Variants in WTAP observed in about 807,000 individuals in gnomAD.
The protein encoded by WTAP is WT1 associated protein, also known as pre-mRNA-splicing regulator WTAP.
A neutral mutation model predicts 50.0 loss-of-function variants in WTAP; 8 were observed. That is an observed-to-expected ratio of 0.16 (90% CI 0.09 to 0.29). The LOEUF is 0.29. Ranked by LOEUF, WTAP falls within the 10% of genes least tolerant of loss-of-function variation. The pLI, the probability that WTAP is intolerant of heterozygous loss-of-function variation, is 1.00. For missense variants in WTAP, 295 were observed against 470.7 expected, an observed-to-expected ratio of 0.63 and a Z score of 3.45; for synonymous variants, 194 against 169.0, an observed-to-expected ratio of 1.15 and a Z score of -1.15.
chr6:159,746,445 G>C (rs1017904144), intron 5 of WTAP, among the ~76,000 whole-genome samples: 8 of 152,218 alleles, frequency 5.3e-5, no homozygotes, highest in Middle Eastern at 3.4e-3. Flanking sequence ...GCTAAGCTTA[G>C]AAAAAATAAA....
chr6:159,734,636 C>A (rs906912332), intron 1 of WTAP, among the ~76,000 whole-genome samples: 1 of 151,932 alleles, frequency 6.6e-6, no homozygotes, highest in Non-Finnish European at 1.5e-5. Flanking sequence ...TATGGTGGGT[C>A]CCCATCTCTT....
In WTAP at chr6:159,755,466, T is replaced by A. The variant is rs758466866; in HGVS notation, c.1046T>A (p.Leu349His). The A allele has an allele frequency of 4.3e-6, 7 of 1,613,864 alleles. No individual in the cohort carries two copies. The highest frequency in any genetic ancestry group is 5.1e-6 in the Non-Finnish European group (6 of 1,180,012). ...TCTCCCACGGGCAGTGAAAACTCTCTCACACACCAATCAAATGACACAGAC... is the reference window on the plus strand; with the variant it reads ...TCTCCCACGGGCAGTGAAAACTCTCACACACACCAATCAAATGACACAGAC... ...VDSPTGSENS[L>H]THQSNDTDSS... Residue 349 changes from leucine (L) to histidine (H), a missense_variant, in exon 8 of 8, where the codon CTC (leucine) becomes CAC (histidine). Transcript: ENST00000621533.
intron 2 of WTAP, chr6:159,736,516 T>G (rs1778927392): frequency 2.4e-6 from 1 of 411,922 alleles, no homozygotes. Context: ...TTGGAAAACT[T>G]TAGTTATAAT....
At position 159,755,749 on chromosome 6, in the gene WTAP, G is replaced by GTTTTTTTTTTTTTTTTTTT. The variant is rs1402868444; in HGVS notation, c.*148_*149insTTTTTTTTTTTTTTTTTTT. On this transcript the variant is annotated 3_prime_UTR_variant, in exon 8 of 8. Coordinates refer to ENST00000621533, the MANE Select transcript of WTAP (RefSeq NM_001270531.2). ...TTTTTTTTTGTTGTTTTTTTTCTTT[G>GTTTTTTTTTTTTTTTTTTT]TTTTTTTTTTCTTTTCTTTTTTTTT... 11 of 300,266 alleles carry GTTTTTTTTTTTTTTTTTTT rather than the reference G, an allele frequency of 3.7e-5. No individual in the cohort carries two copies. The highest frequency in any genetic ancestry group is 3.5e-4 in the African/African-American group (5 of 14,382). 18.6% of individuals were successfully genotyped at this position (300,266 alleles called of 1,614,324 possible).
chr6:159,742,927 C>T (rs370422604), intron 4 of WTAP, among the ~76,000 whole-genome samples: 2 of 152,186 alleles, frequency 1.3e-5, no homozygotes, highest in South Asian at 2.1e-4. Context: ...CACTAGAGCC[C>T]GGGAGGTCAA....
chr6:159,737,266 C>G (rs1276427337), intron 2 of WTAP, among the ~76,000 whole-genome samples: 3 of 152,114 alleles, frequency 2.0e-5, no homozygotes, highest in Admixed American at 6.5e-5. Flanking sequence ...CCAGGCTGGT[C>G]TCGAACTCCC....
At chr6:159,749,294 C>A in intron 6 of WTAP, 1 of 985,714 alleles carries the variant, frequency 1.0e-6, no homozygotes, top group Non-Finnish European at 1.2e-6. Flanking sequence ...ATGAAATCCC[C>A]GTTCCATTCA....
chr6:159,739,341 T>C (rs1291810350), intron 3 of WTAP, among the ~76,000 whole-genome samples: 1 of 152,226 alleles, frequency 6.6e-6, no homozygotes, highest in Admixed American at 6.5e-5. Context: ...GATGCACTTA[T>C]ATTTATGGAA....
chr6:159,734,192 T>C (rs551195237), intron 1 of WTAP, among the ~76,000 whole-genome samples: 1 of 152,172 alleles, frequency 6.6e-6, no homozygotes, highest in South Asian at 2.1e-4. Context: ...TTGTTTGTTT[T>C]AATGAGAGAC....
At chr6:159,728,195 G>A (rs1778334315) in intron 1 of WTAP, among the ~76,000 whole-genome samples, 1 of 152,242 alleles carries the variant, frequency 6.6e-6, no homozygotes, top group Admixed American at 6.5e-5. Context: ...AGCATTCTGA[G>A]GAAAGAAACT....
chr6:159,741,942 A>G (rs1398521893), intron 3 of WTAP, 146 bp from the exon 4 acceptor site: 1 of 617,590 alleles, frequency 1.6e-6, no homozygotes, highest in African/African-American at 1.9e-5. Flanking sequence ...ACAGAGCGAG[A>G]CTCTGTCTAA....
chr6:159,731,277 A>C (rs1435232678), intron 1 of WTAP, among the ~76,000 whole-genome samples: 1 of 151,914 alleles, frequency 6.6e-6, no homozygotes, highest in Non-Finnish European at 1.5e-5. Context: ...CCTGGGCAAC[A>C]TAGCAAGACC....
Position 159,755,566 on chromosome 6 carries a change from G to A in WTAP, c.1146G>A (p.Gln382=), listed in dbSNP as rs1432710988. Residue 382 remains glutamine (Q), a synonymous_variant, in exon 8 of 8, where the codon CAG becomes CAA. Transcript: ENST00000621533. ...GNRTVGSRHV[Q]NGLDSSVNVQ... ...GAACTGTGGGTTCCCGCCACGTTCA[G>A]AATGGCTTGGACTCAAGTGTAAATG... 6.2e-7 allele frequency: 1 copy of A among 1,613,926 alleles called. No individual in the cohort carries two copies. The highest frequency in any genetic ancestry group is 8.5e-7 in the Non-Finnish European group (1 of 1,179,998).
chr6:159,731,192 TGG>T (rs1778547833), intron 1 of WTAP, among the ~76,000 whole-genome samples: 1 of 151,146 alleles, frequency 6.6e-6, no homozygotes. Context: ...CTGGGCATGG[TGG>T]CTCACAACTG....
intron 4 of WTAP, among the ~76,000 whole-genome samples, chr6:159,743,423 C>T (rs1228418976): frequency 6.6e-6 from 1 of 152,180 alleles, no homozygotes; most frequent in Non-Finnish European, 1.5e-5. Context: ...TGTTTTCTGT[C>T]TTCTGTTGGG....
chr6:159,737,207 C>A (rs1414349754), intron 2 of WTAP, among the ~76,000 whole-genome samples: 1 of 152,090 alleles, frequency 6.6e-6, no homozygotes, highest in Non-Finnish European at 1.5e-5. Context: ...TGCCACCACG[C>A]CCAGCTAATT....
rs201600176 is a variant in WTAP, at chr6:159,748,164, C to G, written c.274-27C>G. On this transcript the variant is annotated intron_variant, in intron 5 of 7. Transcript: ENST00000621533. This position sits in a 1 kb window ranked among gnomAD's most constrained non-coding sequence, Gnocchi z 5.6. ...TTATGTATGTTTCCTTTGATTTGGT[C>G]GTAATTGTTTCTTTTGCTTTGCACA... The G allele has an allele frequency of 6.2e-7, 1 of 1,601,376 alleles. No homozygotes were observed. The highest frequency in any genetic ancestry group is 2.3e-5 in the East Asian group (1 of 44,428).
At chr6:159,730,035 T>G (rs1340209874) in intron 1 of WTAP, among the ~76,000 whole-genome samples, 1 of 152,238 alleles carries the variant, frequency 6.6e-6, no homozygotes, top group Non-Finnish European at 1.5e-5. Flanking sequence ...CTCTGAATTA[T>G]CTACATAAAT....
At position 159,755,995 on chromosome 6, in the gene WTAP, T is replaced by C. The variant is rs2114964472; in HGVS notation, c.*384T>C. 5.8e-6 allele frequency: 1 copy of C among 173,462 alleles called. No homozygotes were observed. The highest frequency in any genetic ancestry group is 1.7e-4 in the East Asian group (1 of 5,740). 10.7% of individuals were successfully genotyped at this position (173,462 alleles called of 1,614,324 possible). A position where few individuals can be genotyped will look rare whatever the true frequency, so the allele number is the denominator to read the frequency against. On this transcript the variant is annotated 3_prime_UTR_variant, in exon 8 of 8. Coordinates refer to ENST00000621533, the MANE Select transcript of WTAP (RefSeq NM_001270531.2). Reference sequence around the variant, plus strand: ...TGCTGTGTAAGGGCATTCGTACTCATGCTGTTACTGTACTTATGCACCATT... The same window carrying C: ...TGCTGTGTAAGGGCATTCGTACTCACGCTGTTACTGTACTTATGCACCATT...
Sources: allele counts gnomAD v4.1 joint callset (sites outside exome capture counted in the v4.1 genomes callset), GRCh38; gene constraint gnomAD v4.1.1; non-coding constraint Gnocchi (gnomAD v3.1); transcripts MANE v1.5; gene names NCBI Gene and HGNC (gene_info 2026-07-23, HGNC 2026-07-21).